OR10H1: variants seen among roughly 807,000 people sequenced by gnomAD.
OR10H1 encodes the protein olfactory receptor family 10 subfamily H member 1.
OR10H1 carries 12 observed loss-of-function variants against 13.1 expected under a neutral mutation model. The observed-to-expected ratio is 0.92, with a 90% CI of 0.59 to 1.48. The LOEUF (loss-of-function observed/expected upper bound fraction) is 1.48. Among genes scored for constraint, OR10H1 ranks in the 40% most tolerant of loss-of-function variants. OR10H1 has a pLI of 0.00. For synonymous variants in OR10H1, 168 were observed against 175.6 expected (o/e 0.96, Z 0.34); for missense variants, 363 against 413.1 (o/e 0.88, Z 1.05).
At chr19:15,808,104 C>G in intron 3 of OR10H1, 56 bp from the exon 4 acceptor site, 1 of 1,437,904 alleles carries the variant, frequency 7.0e-7, no homozygotes, top group East Asian at 2.3e-5. Context: ...AAGTTCTCAG[C>G]CTTCCCCATA....
intron 2 of OR10H1, among the ~76,000 whole-genome samples, chr19:15,811,521 A>T (rs2088932365): frequency 6.6e-6 from 1 of 152,038 alleles, no homozygotes; most frequent in South Asian, 2.1e-4. Context: ...GAAAACACCC[A>T]TGTCTCCATG....
chr19:15,811,818 T>C (rs1220277014), intron 2 of OR10H1, among the ~76,000 whole-genome samples: 2 of 152,262 alleles, frequency 1.3e-5, no homozygotes, highest in East Asian at 3.9e-4. Flanking sequence ...CTCCTACAAG[T>C]AACTTTAAAG....
Position 15,807,210 on chromosome 19 carries a change from G to A in OR10H1, c.828C>T (p.Gly276=), listed in dbSNP as rs761814686. The A allele has an allele frequency of 1.9e-6, 3 of 1,614,132 alleles. No individual in the cohort carries two copies. Among genetic ancestry groups the A allele is most frequent in the South Asian group, 2.2e-5 (2 of 91,080 alleles). ...AGGGTGTGAGGACCGTGTAGGTGAT[G>A]CCCATCAAGGTGTCTCCTTCCAGAG... ...PQSLEGDTLM[G]ITYTVLTPFL... Residue 276 remains glycine, a synonymous_variant, in exon 4 of 4, where the codon GGC becomes GGT. Transcript: ENST00000641419.
chr19:15,805,392 G>A lies in OR10H1; in HGVS notation c.*1689C>T, dbSNP rs1568452171. On this transcript the variant is annotated 3_prime_UTR_variant, in exon 4 of 4. Coordinates refer to ENST00000641419, the MANE Select transcript of OR10H1 (RefSeq NM_013940.4). ...AAATATATAAATACTATACAGTAGG[G>A]TCAATCTTAAATCCCTGCCCATTGG... is the stretch of plus-strand genomic sequence containing the variant. 6.6e-6 allele frequency: 1 copy of A among 150,842 alleles called. No homozygotes were observed. Among genetic ancestry groups the A allele is most frequent in the Non-Finnish European group, 1.5e-5 (1 of 67,926 alleles). The allele number at this position is 150,842 out of a possible 1,614,324, so 9.3% of individuals were successfully genotyped here. A position where few individuals can be genotyped will look rare whatever the true frequency, so the allele number is the denominator to read the frequency against.
At position 15,805,219 on chromosome 19, in the gene OR10H1, T is replaced by C. The variant is rs1041744478; in HGVS notation, c.*1862A>G. 3 of 152,128 alleles carry C rather than the reference T, an allele frequency of 2.0e-5. No individual in the cohort carries two copies. The highest frequency in any genetic ancestry group is 7.2e-5 in the African/African-American group (3 of 41,444). 9.4% of individuals were successfully genotyped at this position (152,128 alleles called of 1,614,324 possible). The stretch of plus-strand genomic sequence containing the variant: ...TTTCTTTTGCTGTGCAGAAGCTCTT[T>C]AGTTTAATTAGATCCCATTTGTCAA... On this transcript the variant is annotated 3_prime_UTR_variant, in exon 4 of 4. Coordinates refer to ENST00000641419, the MANE Select transcript of OR10H1 (RefSeq NM_013940.4).
Position 15,807,982 on chromosome 19 carries a change from A to G in OR10H1, c.56T>C (p.Val19Ala), listed in dbSNP as rs769541674. The G allele has an allele frequency of 4.0e-5, 65 of 1,613,988 alleles. No homozygotes were observed. The highest frequency in any genetic ancestry group is 6.7e-5 in the African/African-American group (5 of 74,926). ...VTQFILVGFS[V>A]FPHLQLMLFL... is the part of the protein sequence containing the mutation. The stretch of plus-strand genomic sequence containing the variant: ...GAGCATCAGCTGGAGGTGGGGGAAG[A>G]CAGAGAAGCCGACGAGGATGAATTG... Residue 19 changes from valine to alanine, a missense_variant, in exon 4 of 4, where the codon GTC (valine) becomes GCC (alanine). Around this residue, in one of 3 missense-constraint regions of OR10H1, gnomAD observed 318 missense variants for 366.6 expected, o/e 0.87. Coordinates refer to ENST00000641419, the MANE Select transcript of OR10H1 (RefSeq NM_013940.4).
In OR10H1 at chr19:15,812,065, A is replaced by G. The variant is rs142268558; in HGVS notation, c.-129+165T>C. Among the ~76,000 whole-genome samples the G allele has an allele frequency of 4.6e-3, 694 of 152,260 alleles. 3 individuals carry two copies. The highest frequency in any genetic ancestry group is 0.016 in the African/African-American group (659 of 41,568). Reference sequence around the variant, plus strand: ...ATTCTTATTGAATATTTACCCCCACATTAGAAGTCATCTGCTCTGATCCCT... The same window carrying G: ...ATTCTTATTGAATATTTACCCCCACGTTAGAAGTCATCTGCTCTGATCCCT... On this transcript the variant is annotated intron_variant, in intron 2 of 3. Transcript: ENST00000641419.
rs752532622 is a variant in OR10H1 at position 15,807,595 on chromosome 19, G to T, written c.443C>A (p.Ser148Tyr). 6 of 1,614,132 alleles carry T rather than the reference G, an allele frequency of 3.7e-6. No individual in the cohort carries two copies. The African/African-American group carries it at 8.0e-5, about 22-fold the overall frequency. The change falls in exon 4 of 4, where the codon TCC becomes TAC. Residue 148 changes from serine to tyrosine, a missense_variant. Ser to Tyr is a moderately radical substitution (Grantham distance 144). Coordinates refer to ENST00000641419, the MANE Select transcript of OR10H1 (RefSeq NM_013940.4). ...CCCCATGACCAAGCCACCAGCCCAG[G>T]AGCAGCCCACCAGGCAGGCGCAGCC... ...PRGCACLVGC[S>Y]WAGGLVMGMV...
At position 15,814,443 on chromosome 19, in the gene OR10H1, C is replaced by T. The variant is rs1012141632; in HGVS notation, c.-778+1112G>A. 3.6e-4 allele frequency among the ~76,000 whole-genome samples: 36 copies of T among 99,554 alleles called. 1 individual carries two copies. The highest frequency in any genetic ancestry group is 5.5e-4 in the Non-Finnish European group (26 of 47,578). The allele number at this position is 99,554 out of a possible 152,430, so 65.3% of individuals were successfully genotyped here. A position where few individuals can be genotyped will look rare whatever the true frequency, so the allele number is the denominator to read the frequency against. The stretch of plus-strand genomic sequence containing the variant: ...CACCACCTGCTCCCATTGACGCCTC[C>T]CTTGTGTGTGTGTGTGTGTGTGTGT... On this transcript the variant is annotated intron_variant, in intron 1 of 3. Coordinates refer to ENST00000641419, the MANE Select transcript of OR10H1 (RefSeq NM_013940.4).
At chr19:15,810,493 G>A (rs1402271871) in intron 2 of OR10H1, among the ~76,000 whole-genome samples, 1 of 151,772 alleles carries the variant, frequency 6.6e-6, no homozygotes, top group East Asian at 1.9e-4. Context: ...CACAGCATGC[G>A]TCTGAGCTTT....
chr19:15,808,135 T>G, intron 3 of OR10H1, 87 bp from the exon 4 acceptor site: 1 of 1,091,156 alleles, frequency 9.2e-7, no homozygotes, highest in Non-Finnish European at 1.4e-6. Context: ...CCCAAGGGAC[T>G]GCTCTTGATA....
chr19:15,809,139 T>G (rs1374662193), intron 2 of OR10H1, among the ~76,000 whole-genome samples: 1 of 152,142 alleles, frequency 6.6e-6, no homozygotes, highest in Non-Finnish European at 1.5e-5. Context: ...TTGGTTGTTT[T>G]CCAGCTCCCA....
chr19:15,807,823 A>G lies in OR10H1; in HGVS notation c.215T>C (p.Leu72Pro). The G allele has an allele frequency of 6.2e-7, 1 of 1,607,260 alleles. No homozygotes were observed. The highest frequency in any genetic ancestry group is 8.5e-7 in the Non-Finnish European group (1 of 1,174,784). Reference protein sequence around the residue: ...FLCALSVSEILYTVAIIPRML... With the variant: ...FLCALSVSEIPYTVAIIPRML... ...GCGCGGGATGATGGCCACGGTGTAGAGGATCTCGGAGACGGAGAGGGCGCA... is the reference window on the plus strand; with the variant it reads ...GCGCGGGATGATGGCCACGGTGTAGGGGATCTCGGAGACGGAGAGGGCGCA... Residue 72 changes from leucine (L) to proline (P), a missense_variant, in exon 4 of 4, where the codon CTC becomes CCC. Coordinates refer to ENST00000641419, the MANE Select transcript of OR10H1 (RefSeq NM_013940.4).
In OR10H1 at chr19:15,804,630, G is replaced by T. The variant is rs1465889357; in HGVS notation, c.*2451C>A. The T allele has an allele frequency of 2.0e-5, 3 of 152,134 alleles. No homozygotes were observed. Among genetic ancestry groups the T allele is most frequent in the Non-Finnish European group, 2.9e-5 (2 of 68,034 alleles). The allele number at this position is 152,134 out of a possible 1,614,324, so 9.4% of individuals were successfully genotyped here. On this transcript the variant is annotated 3_prime_UTR_variant, in exon 4 of 4. Transcript: ENST00000641419. ...TTCTTAATCCAGTCTATCATTGTTG[G>T]ACATTTGGGTTGGTTCCAAGTCTTT...
rs769593874 is a variant in OR10H1, at chr19:15,807,885, G to A, written c.153C>T (p.Ser51=). ...GNLLIMATVW[S]ERSLHTPMYL... ...ACATGGGCGTGTGGAGGCTGCGCTC[G>A]CTCCAGACGGTGGCCATGATGAGCA... The change falls in exon 4 of 4, where the codon AGC becomes AGT. Residue 51 remains serine, a synonymous_variant. Coordinates refer to ENST00000641419, the MANE Select transcript of OR10H1 (RefSeq NM_013940.4). The A allele has an allele frequency of 3.0e-5, 49 of 1,613,882 alleles. No individual in the cohort carries two copies. The highest frequency in any genetic ancestry group is 1.6e-4 in the Middle Eastern group (1 of 6,084).
intron 2 of OR10H1, 131 bp downstream of exon 2, chr19:15,812,099 G>C (rs1276566301): frequency 6.6e-6 from 1 of 152,252 alleles, no homozygotes; most frequent in African/African-American, 2.4e-5. Flanking sequence ...CTATTTTACA[G>C]ACAGGGAAAC....
In OR10H1 at chr19:15,807,145, A is replaced by C. The variant is rs781756879; in HGVS notation, c.893T>G (p.Leu298Arg). ...PIIFSLRNKE[L>R]KVAMKKTFFS... The stretch of plus-strand genomic sequence containing the variant: ...GAAGGTCTTCTTCATGGCGACCTTC[A>C]GCTCCTTGTTCCTGAGGCTGAAGAT... Residue 298 changes from leucine (L) to arginine (R), a missense_variant, in exon 4 of 4, where the codon CTG becomes CGG. Leu to Arg is a moderately radical substitution (Grantham distance 102). This residue lies in a region of OR10H1 where 42 missense variants were observed against 30.3 expected (regional missense o/e 1.39). Coordinates refer to ENST00000641419, the MANE Select transcript of OR10H1 (RefSeq NM_013940.4). The C allele has an allele frequency of 6.2e-7, 1 of 1,614,146 alleles. No homozygotes were observed.
At chr19:15,813,342 G>A (rs1235255462) in intron 1 of OR10H1, among the ~76,000 whole-genome samples, 1 of 152,160 alleles carries the variant, frequency 6.6e-6, no homozygotes, top group African/African-American at 2.4e-5. Context: ...TAGGATAGCA[G>A]CGAGGAGGAT....
At position 15,812,734 on chromosome 19, in the gene OR10H1, A is replaced by AGAGG. The variant is rs2088941268; in HGVS notation, c.-634_-633insCCTC. 7.9e-6 allele frequency: 1 copy of AGAGG among 126,188 alleles called. No homozygotes were observed. Among genetic ancestry groups the AGAGG allele is most frequent in the Non-Finnish European group, 1.7e-5 (1 of 59,840 alleles). 7.8% of individuals were successfully genotyped at this position (126,188 alleles called of 1,614,324 possible). A position where few individuals can be genotyped will look rare whatever the true frequency, so the allele number is the denominator to read the frequency against. Reference sequence around the variant, plus strand: ...GATAGGAAGAAACGAGGGAGGGAGGAATGGAGGGAGGAAGGAAGGGAGGGA... The same window carrying AGAGG: ...GATAGGAAGAAACGAGGGAGGGAGGAGAGGATGGAGGGAGGAAGGAAGGGAGGGA... On this transcript the variant is annotated 5_prime_UTR_variant, in exon 2 of 4. An upstream open reading frame in the 5' UTR loses its in-frame stop. Coordinates refer to ENST00000641419, the MANE Select transcript of OR10H1 (RefSeq NM_013940.4).
Sources: gnomAD v4.1 joint callset for allele counts (sites outside exome capture counted in the v4.1 genomes callset) on GRCh38, gnomAD v4.1.1 for gene constraint, gnomAD v4.1.1 regional missense constraint, MANE v1.5 for transcripts, NCBI Gene and HGNC (gene_info 2026-07-23, HGNC 2026-07-21) for gene names.